GPC5: variants seen among roughly 807,000 people sequenced by gnomAD.
The protein encoded by GPC5 is glypican-5.
GPC5 carries 47 observed loss-of-function variants against 53.9 expected under a neutral mutation model. That is an observed-to-expected ratio of 0.87 (90% CI 0.69 to 1.11). GPC5 has a LOEUF of 1.11. Among genes scored for constraint, GPC5 ranks in the 50% most tolerant of loss-of-function variants. The probability of loss-of-function intolerance (pLI) is 0.00; values close to 1 mark genes in which losing one functional copy is unlikely to be tolerated. For missense variants in GPC5, 748 were observed against 713.1 expected, an observed-to-expected ratio of 1.05 and a Z score of -0.56; for synonymous variants, 286 against 263.3, an observed-to-expected ratio of 1.09 and a Z score of -0.84.
intron 5 of GPC5, among the ~76,000 whole-genome samples, chr13:91,848,059 A>G (rs1462031867): frequency 6.6e-6 from 1 of 152,204 alleles, no homozygotes; most frequent in Non-Finnish European, 1.5e-5. Flanking sequence ...AGTGATAAAA[A>G]TCAGTTCACA....
intron 7 of GPC5, among the ~76,000 whole-genome samples, chr13:92,286,919 C>T (rs970620520): frequency 2.0e-5 from 3 of 152,008 alleles, no homozygotes; most frequent in Admixed American, 6.6e-5. Context: ...AAAAATATGG[C>T]ATGAAAATAC....
chr13:92,539,402 G>A (rs78976909), intron 7 of GPC5, among the ~76,000 whole-genome samples: 10 of 151,988 alleles, frequency 6.6e-5, no homozygotes, highest in African/African-American at 9.7e-5. Context: ...GTTTTGATTC[G>A]CATTTCTCTG....
intron 7 of GPC5, among the ~76,000 whole-genome samples, chr13:92,724,593 G>A (rs1888587082): frequency 6.6e-6 from 1 of 151,524 alleles, no homozygotes; most frequent in Non-Finnish European, 1.5e-5. Context: ...GAGGACACAT[G>A]GTAAGTGAGA....
chr13:91,588,045 A>G (rs1205640913), intron 2 of GPC5, among the ~76,000 whole-genome samples: 1 of 152,146 alleles, frequency 6.6e-6, no homozygotes, highest in Non-Finnish European at 1.5e-5. Context: ...ACTGCAAATC[A>G]TCTATGCTAC....
chr13:92,590,560 C>G (rs1002190360), intron 7 of GPC5, among the ~76,000 whole-genome samples: 2 of 152,214 alleles, frequency 1.3e-5, no homozygotes, highest in African/African-American at 4.8e-5. Context: ...TGAGTCATGA[C>G]AGTTGACACT....
At chr13:92,577,452 C>G (rs1421674661) in intron 7 of GPC5, among the ~76,000 whole-genome samples, 22 of 84,984 alleles carry the variant, frequency 2.6e-4, no homozygotes, top group Non-Finnish European at 5.3e-4. Flanking sequence ...GTGTGTGTGT[C>G]AATGACCTTG....
intron 7 of GPC5, among the ~76,000 whole-genome samples, chr13:92,177,878 C>A (rs912243495): frequency 2.6e-5 from 4 of 152,150 alleles, no homozygotes; most frequent in Non-Finnish European, 4.4e-5. Context: ...TTTCTATTTT[C>A]TTTCAGTTCA....
chr13:92,059,803 A>G (rs1413184802), intron 6 of GPC5: 3 of 151,822 alleles, frequency 2.0e-5, no homozygotes, highest in Admixed American at 6.6e-5. Context: ...GCATAGAGGT[A>G]TAAGTATAAG....
rs149558841 is a variant in GPC5 at position 92,535,499 on chromosome 13, A to C, written c.1562-330783A>C. On this transcript the variant is annotated intron_variant, in intron 7 of 7. Coordinates refer to ENST00000377067, the MANE Select transcript of GPC5 (RefSeq NM_004466.6). ...AAACAGGAACTAAGGGGGGGTCCAGAAGCAATCGTGATGAATGAGGGTTCT... is the reference window on the plus strand; with the variant it reads ...AAACAGGAACTAAGGGGGGGTCCAGCAGCAATCGTGATGAATGAGGGTTCT... Among the ~76,000 whole-genome samples, 622 of 152,194 alleles carry C rather than the reference A, an allele frequency of 4.1e-3. 6 individuals carry two copies. Among genetic ancestry groups the C allele is most frequent in the African/African-American group, 0.014 (598 of 41,544 alleles).
intron 5 of GPC5, among the ~76,000 whole-genome samples, chr13:91,886,167 A>C (rs928481988): frequency 1.3e-5 from 2 of 152,192 alleles, no homozygotes; most frequent in African/African-American, 4.8e-5. Context: ...TCATGGCAGA[A>C]GGCAAAGTAG....
intron 6 of GPC5, among the ~76,000 whole-genome samples, chr13:92,004,456 A>AG (rs1289231876): frequency 1.3e-5 from 1 of 76,976 alleles, no homozygotes; most frequent in East Asian, 5.2e-4. Context: ...AAAAAAAAAA[A>AG]ATTATATATA....
intron 7 of GPC5, among the ~76,000 whole-genome samples, chr13:92,230,736 C>T (rs1702732405): frequency 6.6e-6 from 1 of 152,072 alleles, no homozygotes; most frequent in South Asian, 2.1e-4. Flanking sequence ...GCCAATTATT[C>T]CTTTGAGAGC....
At chr13:91,510,771 G>A (rs1372020314) in intron 2 of GPC5, among the ~76,000 whole-genome samples, 1 of 151,736 alleles carries the variant, frequency 6.6e-6, no homozygotes, top group African/African-American at 2.4e-5. Flanking sequence ...TAATTTTACT[G>A]AAAAAGTTTC....
chr13:92,009,968 C>A (rs2040645085), intron 6 of GPC5, among the ~76,000 whole-genome samples: 1 of 152,082 alleles, frequency 6.6e-6, no homozygotes, highest in Admixed American at 6.5e-5. Flanking sequence ...GTGGAATCCC[C>A]TTGTATAATT....
At chr13:92,267,477 C>T (rs9516026) in intron 7 of GPC5, among the ~76,000 whole-genome samples, 21,412 of 151,982 alleles carry the variant, frequency 0.14, 2,173 homozygotes, top group African/African-American at 0.29. Context: ...CCACACTGTC[C>T]GGGTTTTTCA....
chr13:91,858,262 G>A (rs1420695373), intron 5 of GPC5, among the ~76,000 whole-genome samples: 1 of 151,812 alleles, frequency 6.6e-6, no homozygotes, highest in Non-Finnish European at 1.5e-5. Context: ...TAGAGGAAAG[G>A]CTTTCAGTTT....
At chr13:91,703,739 G>A (rs565810298) in intron 3 of GPC5, among the ~76,000 whole-genome samples, 20 of 152,062 alleles carry the variant, frequency 1.3e-4, no homozygotes, top group Admixed American at 4.6e-4. Context: ...TCCTTTAAAC[G>A]TTTGGTGAAA....
At chr13:91,933,256 G>A (rs1443169419) in intron 6 of GPC5, among the ~76,000 whole-genome samples, 1 of 151,858 alleles carries the variant, frequency 6.6e-6, no homozygotes, top group Admixed American at 6.6e-5. Flanking sequence ...CTCAACATGT[G>A]TATCTTCTAC....
intron 5 of GPC5, among the ~76,000 whole-genome samples, chr13:91,847,564 A>C (rs2038866258): frequency 6.6e-6 from 1 of 152,162 alleles, no homozygotes; most frequent in African/African-American, 2.4e-5. Flanking sequence ...ACTTGATGTA[A>C]TCTTTCTACT....
Sources: gnomAD v4.1 joint callset for allele counts (sites outside exome capture counted in the v4.1 genomes callset) on GRCh38, gnomAD v4.1.1 for gene constraint, MANE v1.5 for transcripts, NCBI Gene and HGNC (gene_info 2026-07-23, HGNC 2026-07-21) for gene names.